The following CNBD1 variants were observed in gnomAD, a reference collection of about 807,000 sequenced individuals.
CNBD1 encodes the protein cyclic nucleotide-binding domain-containing protein 1.
In CNBD1, 71 loss-of-function variants were observed where a neutral mutation model predicts 54.4. The observed-to-expected ratio is 1.30, with a 90% CI of 1.08 to 1.59. The LOEUF is 1.59. Among genes scored for constraint, CNBD1 ranks in the 40% most tolerant of loss-of-function variants. The pLI is 0.00. For missense variants in CNBD1, 659 were observed against 518.0 expected, an observed-to-expected ratio of 1.27 and a Z score of -2.64; for synonymous variants, 182 against 170.7, an observed-to-expected ratio of 1.07 and a Z score of -0.51.
At chr8:87,298,845 A>G (rs1453442669) in intron 8 of CNBD1, among the ~76,000 whole-genome samples, 3 of 152,262 alleles carry the variant, frequency 2.0e-5, no homozygotes, top group South Asian at 2.1e-4. Context: ...ATCAGCATTT[A>G]TTGAACATCT....
chr8:87,145,166 G>A (rs1812456987), intron 4 of CNBD1, among the ~76,000 whole-genome samples: 1 of 152,056 alleles, frequency 6.6e-6, no homozygotes, highest in Non-Finnish European at 1.5e-5. Flanking sequence ...GAAGAACAAA[G>A]ACAGAATGAA....
intron 4 of CNBD1, among the ~76,000 whole-genome samples, chr8:87,051,774 C>T (rs1031669324): frequency 6.6e-6 from 1 of 152,206 alleles, no homozygotes; most frequent in African/African-American, 2.4e-5. Context: ...AAACCCACAA[C>T]CTTCCAGCAT....
At chr8:86,887,413 G>C (rs1332288152) in intron 1 of CNBD1, 129 bp from the exon 2 acceptor site, 1 of 618,864 alleles carries the variant, frequency 1.6e-6, no homozygotes, top group Non-Finnish European at 2.9e-6. Context: ...AACAAAGACT[G>C]TTAATACCTC....
At chr8:87,356,888 A>G (rs938057403) in intron 10 of CNBD1, among the ~76,000 whole-genome samples, 2 of 152,138 alleles carry the variant, frequency 1.3e-5, no homozygotes, top group Non-Finnish European at 2.9e-5. Context: ...CTAGGAGGAA[A>G]GAATGTTTTG....
intron 6 of CNBD1, 193 bp downstream of exon 6, chr8:87,237,305 C>A: frequency 2.5e-6 from 1 of 395,750 alleles, no homozygotes; most frequent in Non-Finnish European, 4.5e-6. Context: ...ATGCCTTCAA[C>A]AGCATCTGAC....
At chr8:87,361,633 T>A (rs1349911525) in intron 10 of CNBD1, among the ~76,000 whole-genome samples, 1 of 151,268 alleles carries the variant, frequency 6.6e-6, no homozygotes, top group Non-Finnish European at 1.5e-5. Flanking sequence ...ATTTTGCATA[T>A]ACTTTGCCCC....
At position 87,007,748 on chromosome 8, in the gene CNBD1, A is replaced by T. The variant is rs563933568; in HGVS notation, c.431+67994A>T. On this transcript the variant is annotated intron_variant, in intron 4 of 10. Coordinates refer to ENST00000518476, the MANE Select transcript of CNBD1 (RefSeq NM_173538.3). ...GTTTTCCTTAAAAATTTACAAAAGA[A>T]TGTTTAGATTTCTGTTGAGATGTTT... Among the ~76,000 whole-genome samples the T allele has an allele frequency of 4.6e-5, 7 of 152,320 alleles. 1 individual carries two copies. Among genetic ancestry groups the T allele is most frequent in the African/African-American group, 1.7e-4 (7 of 41,584 alleles).
intron 2 of CNBD1, among the ~76,000 whole-genome samples, chr8:87,392,203 T>C (rs76330085): frequency 0.019 from 2,867 of 152,122 alleles, 92 homozygotes; most frequent in African/African-American, 0.062. Flanking sequence ...ACATAGCTTG[T>C]GGAAATGTGA....
chr8:87,238,874 A>G (rs1182509486), intron 6 of CNBD1, among the ~76,000 whole-genome samples: 1 of 152,052 alleles, frequency 6.6e-6, no homozygotes, highest in East Asian at 1.9e-4. Context: ...GTATTCCTTT[A>G]GTGCACTGAG....
intron 6 of CNBD1, among the ~76,000 whole-genome samples, chr8:87,263,554 T>C (rs551787110): frequency 2.0e-5 from 3 of 152,310 alleles, no homozygotes; most frequent in African/African-American, 7.2e-5. Flanking sequence ...AATTGTTTTT[T>C]TCAAAGCGTT....
At chr8:86,900,194 G>T (rs527479545) in intron 2 of CNBD1, among the ~76,000 whole-genome samples, 2 of 152,226 alleles carry the variant, frequency 1.3e-5, no homozygotes, top group Admixed American at 1.3e-4. Flanking sequence ...GCATGTGTGC[G>T]TATAAGGTAT....
chr8:87,301,215 G>T (rs1424275010), intron 8 of CNBD1, among the ~76,000 whole-genome samples: 4 of 151,884 alleles, frequency 2.6e-5, no homozygotes, highest in African/African-American at 9.7e-5. Context: ...TTTAAAAATT[G>T]CCAACAAAAA....
At chr8:87,066,710 T>C (rs1810662569) in intron 4 of CNBD1, among the ~76,000 whole-genome samples, 1 of 151,964 alleles carries the variant, frequency 6.6e-6, no homozygotes. Context: ...ATCAAGTATT[T>C]AGAATTTTAT....
chr8:86,925,309 C>T (rs956973526), intron 3 of CNBD1, among the ~76,000 whole-genome samples: 15 of 152,204 alleles, frequency 9.9e-5, no homozygotes, highest in African/African-American at 3.1e-4. Flanking sequence ...ATGGAGTTAA[C>T]TTAGTGTACT....
At chr8:87,423,307 A>C (rs1807979351) in intron 2 of CNBD1, among the ~76,000 whole-genome samples, 1 of 148,660 alleles carries the variant, frequency 6.7e-6, no homozygotes, top group East Asian at 1.9e-4. Context: ...AACTTCCAAC[A>C]CTATGTTGAA....
intron 8 of CNBD1, among the ~76,000 whole-genome samples, chr8:87,332,891 T>G (rs1281036623): frequency 1.3e-5 from 2 of 152,120 alleles, no homozygotes; most frequent in Non-Finnish European, 1.5e-5. Flanking sequence ...TTAAAGTAGT[T>G]TTTTCTAATT....
At chr8:87,080,170 C>T (rs1291033925) in intron 4 of CNBD1, among the ~76,000 whole-genome samples, 1 of 152,152 alleles carries the variant, frequency 6.6e-6, no homozygotes, top group Admixed American at 6.5e-5. Context: ...TTCATGAATA[C>T]CACATTGTCT....
chr8:87,171,030 C>A (rs1813074257), intron 4 of CNBD1, among the ~76,000 whole-genome samples: 1 of 152,032 alleles, frequency 6.6e-6, no homozygotes, highest in Admixed American at 6.6e-5. Flanking sequence ...ACTGGCTTCA[C>A]AGAATGAGTT....
At chr8:86,873,416 T>TA (rs1808470075) in intron 1 of CNBD1, among the ~76,000 whole-genome samples, 1 of 151,920 alleles carries the variant, frequency 6.6e-6, no homozygotes, top group African/African-American at 2.4e-5. Flanking sequence ...CCTGTTTTTT[T>TA]TAAAAAAGGA....
Sources: allele counts gnomAD v4.1 joint callset (sites outside exome capture counted in the v4.1 genomes callset), GRCh38; gene constraint gnomAD v4.1.1; transcripts MANE v1.5; gene names NCBI Gene and HGNC (gene_info 2026-07-23, HGNC 2026-07-21).